SWI5: variants seen among roughly 807,000 people sequenced by gnomAD.
SWI5 encodes DNA repair protein SWI5 homolog.
In SWI5, 12 loss-of-function variants were observed where a neutral mutation model predicts 17.0. That is an observed-to-expected ratio of 0.71 (90% confidence interval 0.45 to 1.14). The LOEUF (loss-of-function observed/expected upper bound fraction) is 1.14, where lower values mean the gene tolerates loss of function less well. SWI5 is among the 50% of genes most tolerant of loss of function. The probability of loss-of-function intolerance (pLI) is 0.00; values close to 1 mark genes in which losing one functional copy is unlikely to be tolerated. For missense variants in SWI5, 158 were observed against 162.2 expected, an observed-to-expected ratio of 0.97 and a Z score of 0.14; for synonymous variants, 61 against 64.0, an observed-to-expected ratio of 0.95 and a Z score of 0.22.
At chr9:128,280,522 A>C (rs554987213) in intron 2 of SWI5, among the ~76,000 whole-genome samples, 10 of 151,606 alleles carry the variant, frequency 6.6e-5, no homozygotes, top group African/African-American at 2.2e-4. Context: ...AAAAAAAAAA[A>C]AAAAAAAACA....
At chr9:128,284,290 A>G (rs1831594336) in intron 2 of SWI5, among the ~76,000 whole-genome samples, 1 of 85,848 alleles carries the variant, frequency 1.2e-5, no homozygotes, top group Non-Finnish European at 2.1e-5. Flanking sequence ...CTCCGTCTCA[A>G]AAAAAAAAAA....
intron 2 of SWI5, among the ~76,000 whole-genome samples, chr9:128,281,635 T>G (rs56151688): frequency 0.25 from 37,804 of 152,196 alleles, 5,942 homozygotes; most frequent in African/African-American, 0.45. Context: ...GTGTCTACTA[T>G]GTGCCATGTA....
chr9:128,282,804 G>C (rs1181141124), intron 2 of SWI5, among the ~76,000 whole-genome samples: 1 of 152,216 alleles, frequency 6.6e-6, no homozygotes, highest in Admixed American at 6.5e-5. Flanking sequence ...CTGTGTACTA[G>C]GCACTGGCCT....
exon 5 of SWI5, chr9:128,288,673 C>G: frequency 6.2e-7 from 1 of 1,614,156 alleles, no homozygotes; most frequent in South Asian, 1.1e-5. Flanking sequence ...GGTGTCACCA[C>G]CAAAGAGTTG....
intron 4 of SWI5, chr9:128,286,629 GGCTGTCTGCCCAGTT>G (rs1831644080): frequency 6.6e-6 from 1 of 152,336 alleles, no homozygotes; most frequent in Non-Finnish European, 1.5e-5. Context: ...TTCAGAGCTG[GGCTGTCTGCCCAGTT>G]GCTGCGTGAG....
At chr9:128,277,412 A>C (rs1831434953) in intron 2 of SWI5, among the ~76,000 whole-genome samples, 1 of 152,068 alleles carries the variant, frequency 6.6e-6, no homozygotes, top group Non-Finnish European at 1.5e-5. Flanking sequence ...AAATCAGCCG[A>C]GCGTGGTGGT....
At chr9:128,286,735 G>A (rs1831645771) in intron 4 of SWI5, among the ~76,000 whole-genome samples, 1 of 152,292 alleles carries the variant, frequency 6.6e-6, no homozygotes, top group Middle Eastern at 3.4e-3. Flanking sequence ...ACTGGACGAT[G>A]GGCCCCAGAG....
chr9:128,276,710 T>A, exon 2 of SWI5: 3 of 1,613,884 alleles, frequency 1.9e-6, no homozygotes, highest in Non-Finnish European at 2.5e-6. Context: ...TCTCTAGGAC[T>A]GAACCAAGAC....
At chr9:128,281,028 CTTTTTTTTTTT>C (rs11306272) in intron 2 of SWI5, among the ~76,000 whole-genome samples, 5 of 43,776 alleles carry the variant, frequency 1.1e-4, no homozygotes, top group South Asian at 1.1e-3. Context: ...TTCAACCATG[CTTTTTTTTTTT>C]TTTTTTTTTT....
chr9:128,281,343 C>T (rs1468841733), intron 2 of SWI5, among the ~76,000 whole-genome samples: 1 of 151,780 alleles, frequency 6.6e-6, no homozygotes, highest in Non-Finnish European at 1.5e-5. Flanking sequence ...GCCAACCATG[C>T]TTTTTTTTCA....
rs181209395 is a variant in SWI5 at position 128,288,739 on chromosome 9, A to G, written c.*23A>G. The stretch of plus-strand genomic sequence containing the variant: ...TGAGCAGGCTCATCGCCCCTTGTCC[A>G]CAGCTCCCAGGGACAGAAGGGTGTG... On this transcript the variant is annotated 3_prime_UTR_variant, in exon 5 of 5. Coordinates refer to ENST00000418976, the Ensembl canonical transcript of SWI5. 194 of 1,613,464 alleles carry G rather than the reference A, an allele frequency of 1.2e-4. No individual in the cohort carries two copies. In the East Asian group the frequency reaches 3.3e-3, roughly 28 times the overall value.
intron 4 of SWI5, 90 bp from the exon 5 acceptor site, chr9:128,288,562 G>A: frequency 7.1e-7 from 1 of 1,404,224 alleles, no homozygotes; most frequent in Non-Finnish European, 1.0e-6. Flanking sequence ...GTCCTGGGTG[G>A]GTCAGGGCAG....
At chr9:128,277,133 C>G (rs545221491) in intron 2 of SWI5, among the ~76,000 whole-genome samples, 40 of 152,270 alleles carry the variant, frequency 2.6e-4, no homozygotes, top group Non-Finnish European at 4.3e-4. Context: ...TTGGCGTTCA[C>G]CCTGGCCACT....
At chr9:128,279,154 T>C (rs1831491840) in intron 2 of SWI5, among the ~76,000 whole-genome samples, 1 of 152,184 alleles carries the variant, frequency 6.6e-6, no homozygotes, top group Admixed American at 6.5e-5. Context: ...CTCCTGCCTC[T>C]TTTTCTGTGC....
intron 1 of SWI5, 76 bp from the exon 2 acceptor site, chr9:128,276,631 C>T (rs1564371822): frequency 1.9e-6 from 3 of 1,613,242 alleles, no homozygotes; most frequent in Non-Finnish European, 2.5e-6. Flanking sequence ...TGCTCCTCCT[C>T]CCGCATCCCC....
intron 4 of SWI5, among the ~76,000 whole-genome samples, 188 bp from the exon 5 acceptor site, chr9:128,288,464 G>A (rs893412264): frequency 2.6e-5 from 4 of 152,196 alleles, no homozygotes; most frequent in Admixed American, 2.6e-4. Context: ...TGGGGCCCGT[G>A]GGGGACAGCC....
At position 128,288,644 on chromosome 9, in the gene SWI5, C is replaced by G. The variant is rs200681866; in HGVS notation, c.329-8C>G. Reference sequence around the variant, plus strand: ...ACTGCACATTCAGCCTGCCTTCCTTCCTTTCAGCTGTGATCCGAGGTGTCA... The same window carrying G: ...ACTGCACATTCAGCCTGCCTTCCTTGCTTTCAGCTGTGATCCGAGGTGTCA... On this transcript the variant is annotated splice_region_variant and splice_polypyrimidine_tract_variant and intron_variant, in intron 4 of 4. Transcript: ENST00000418976. 222 of 1,614,178 alleles carry G rather than the reference C, an allele frequency of 1.4e-4. No homozygotes were observed. The African/African-American group carries it at 2.8e-3, about 20-fold the overall frequency.
At chr9:128,276,366 C>T (rs1564371602) in exon 1 of SWI5, 1 of 1,613,298 alleles carries the variant, frequency 6.2e-7, no homozygotes, top group South Asian at 1.1e-5. Flanking sequence ...CCATTGAACC[C>T]CCTGATCCGG....
At chr9:128,284,863 G>A (rs1266852451) in intron 3 of SWI5, among the ~76,000 whole-genome samples, 1 of 147,802 alleles carries the variant, frequency 6.8e-6, no homozygotes, top group Admixed American at 6.9e-5. Flanking sequence ...GGCTGAGGCA[G>A]AAGAATCGCT....
Sources: allele counts gnomAD v4.1 joint callset (sites outside exome capture counted in the v4.1 genomes callset), GRCh38; gene constraint gnomAD v4.1.1; transcripts MANE v1.5; gene names NCBI Gene and HGNC (gene_info 2026-07-23, HGNC 2026-07-21).